Variants in DCUN1D4 observed in about 807,000 individuals in gnomAD.
DCUN1D4 encodes DCN1-like protein 4.
A neutral mutation model predicts 47.9 loss-of-function variants in DCUN1D4; 22 were observed. The observed-to-expected ratio is 0.46, with a 90% CI of 0.33 to 0.66. The LOEUF (loss-of-function observed/expected upper bound fraction) is 0.66. Ranked by LOEUF, DCUN1D4 falls within the 30% of genes least tolerant of loss-of-function variation. The probability of loss-of-function intolerance (pLI) is 0.02; values close to 1 mark genes in which losing one functional copy is unlikely to be tolerated. For missense variants in DCUN1D4, 301 were observed against 340.8 expected (o/e 0.88, Z 0.92); for synonymous variants, 121 against 112.2 (o/e 1.08, Z -0.50).
intron 6 of DCUN1D4, among the ~76,000 whole-genome samples, chr4:51,889,759 G>T (rs912718883): frequency 2.0e-5 from 3 of 152,150 alleles, no homozygotes; most frequent in Non-Finnish European, 4.4e-5. Flanking sequence ...AAACCTGAGG[G>T]ATGAGGAGAA....
In DCUN1D4 at chr4:51,912,190, G is replaced by A. The variant is rs189831079; in HGVS notation, c.720+1016G>A. Among the ~76,000 whole-genome samples, 12 of 152,272 alleles carry A rather than the reference G, an allele frequency of 7.9e-5. No individual in the cohort carries two copies. The East Asian group carries it at 1.7e-3, about 22-fold the overall frequency. On this transcript the variant is annotated intron_variant, in intron 9 of 10. Transcript: ENST00000334635. ...TTTCTCTGACAATCCCTTGAGATGA[G>A]TTAGCATTATTTGGAAAAATAAATA...
chr4:51,843,284 C>CA lies in DCUN1D4; in HGVS notation c.25+18dup. ...CCGCTGTCAGTGAGTAGCAGAGAGC[C>CA]AGCCAGCGGGCCGGGGCCGGGCGGC... On this transcript the variant is annotated intron_variant, in intron 1 of 10. Transcript: ENST00000334635. 6.5e-7 allele frequency: 1 copy of CA among 1,527,054 alleles called. No homozygotes were observed. The highest frequency in any genetic ancestry group is 8.8e-7 in the Non-Finnish European group (1 of 1,137,514). 94.6% of individuals were successfully genotyped at this position (1,527,054 alleles called of 1,614,324 possible). A position where few individuals can be genotyped will look rare whatever the true frequency, so the allele number is the denominator to read the frequency against.
intron 6 of DCUN1D4, among the ~76,000 whole-genome samples, chr4:51,890,904 C>T (rs181164849): frequency 6.6e-6 from 1 of 152,326 alleles, no homozygotes; most frequent in African/African-American, 2.4e-5. Flanking sequence ...TGGCATAAAC[C>T]AGAGTTGTCA....
intron 6 of DCUN1D4, among the ~76,000 whole-genome samples, chr4:51,889,892 G>T (rs936653232): frequency 3.3e-5 from 5 of 152,130 alleles, no homozygotes; most frequent in Non-Finnish European, 7.4e-5. Context: ...CTTTTAAGCA[G>T]TCATTACTAA....
chr4:51,891,926 G>A (rs1730492041), intron 7 of DCUN1D4, 75 bp downstream of exon 7: 1 of 1,133,340 alleles, frequency 8.8e-7, no homozygotes, highest in Non-Finnish European at 1.3e-6. Context: ...AGGACTTCAG[G>A]AGGTGATTGA....
At chr4:51,910,202 A>G (rs1278557641) in intron 8 of DCUN1D4, among the ~76,000 whole-genome samples, 26 of 152,216 alleles carry the variant, frequency 1.7e-4, no homozygotes, top group Admixed American at 1.7e-3. Flanking sequence ...TTATGGTCCC[A>G]GGCCCTCTAT....
chr4:51,868,442 T>C (rs1726322974), intron 3 of DCUN1D4, among the ~76,000 whole-genome samples: 1 of 152,260 alleles, frequency 6.6e-6, no homozygotes, highest in Non-Finnish European at 1.5e-5. Context: ...AAGTGCCCAG[T>C]CAATGTCAGT....
chr4:51,865,711 T>C (rs892577712), intron 3 of DCUN1D4, among the ~76,000 whole-genome samples: 5 of 152,202 alleles, frequency 3.3e-5, no homozygotes, highest in African/African-American at 1.2e-4. Flanking sequence ...TTGGGGGCTG[T>C]TGAGATTTAA....
At chr4:51,865,923 A>G (rs951205743) in intron 3 of DCUN1D4, among the ~76,000 whole-genome samples, 3 of 152,164 alleles carry the variant, frequency 2.0e-5, no homozygotes, top group Non-Finnish European at 4.4e-5. Context: ...ACCCTGCACT[A>G]TGACAGTGGA....
At chr4:51,857,651 A>C (rs1027460174) in intron 1 of DCUN1D4, among the ~76,000 whole-genome samples, 19 of 152,286 alleles carry the variant, frequency 1.2e-4, no homozygotes, top group African/African-American at 4.6e-4. Flanking sequence ...TCCTGTCATT[A>C]CGTTTGCATG....
At chr4:51,886,961 C>T in intron 6 of DCUN1D4, 2 of 419,838 alleles carry the variant, frequency 4.8e-6, no homozygotes, top group East Asian at 1.2e-4. Flanking sequence ...CGCTGTGTAC[C>T]TTCGTGCCCC....
intron 8 of DCUN1D4, among the ~76,000 whole-genome samples, chr4:51,907,185 T>C (rs1329664120): frequency 6.6e-6 from 1 of 152,164 alleles, no homozygotes; most frequent in South Asian, 2.1e-4. Flanking sequence ...CCAAATAAAA[T>C]AATAAAGCCT....
chr4:51,893,831 A>G (rs1455995485), intron 7 of DCUN1D4, among the ~76,000 whole-genome samples: 1 of 152,206 alleles, frequency 6.6e-6, no homozygotes, highest in Non-Finnish European at 1.5e-5. Context: ...GGCACCATCA[A>G]CATTTTCAGG....
At chr4:51,843,312 C>T (rs1295919453) in intron 1 of DCUN1D4, 45 bp downstream of exon 1, 1 of 1,499,180 alleles carries the variant, frequency 6.7e-7, no homozygotes, top group Admixed American at 2.2e-5. Context: ...CGGGCGGCTG[C>T]CAAACTCGCC....
chr4:51,838,920 C>CA (rs1296093343), upstream of DCUN1D4, among the ~76,000 whole-genome samples: 3 of 152,050 alleles, frequency 2.0e-5, no homozygotes, highest in African/African-American at 7.2e-5. Flanking sequence ...ACTAAAAACA[C>CA]AACAATTAGT....
At chr4:51,837,958 A>C in the DCUN1D4 span, among the ~76,000 whole-genome samples, 1 of 152,132 alleles carries the variant, frequency 6.6e-6, no homozygotes, top group Non-Finnish European at 1.5e-5. Flanking sequence ...CGGGCAGATC[A>C]CTTGAAGTCA....
At chr4:51,841,664 A>T (rs1721661815), upstream of DCUN1D4, among the ~76,000 whole-genome samples, 1 of 152,178 alleles carries the variant, frequency 6.6e-6, no homozygotes, top group African/African-American at 2.4e-5. Context: ...ATTAAAGAGA[A>T]ATTAGCGATT....
chr4:51,913,485 GTTATTATTA>G, intron 10 of DCUN1D4, 35 bp from the exon 11 acceptor site: 1 of 1,549,650 alleles, frequency 6.5e-7, no homozygotes, highest in Non-Finnish European at 8.8e-7. Flanking sequence ...TATTATTATT[GTTATTATTA>G]TTATTATTAC....
At chr4:51,865,093 G>A (rs1269141443) in intron 3 of DCUN1D4, 1 of 227,622 alleles carries the variant, frequency 4.4e-6, no homozygotes, top group East Asian at 1.1e-4. Flanking sequence ...ACCTCTTTCA[G>A]TGTCATCCAA....
Sources: allele counts gnomAD v4.1 joint callset (sites outside exome capture counted in the v4.1 genomes callset), GRCh38; gene constraint gnomAD v4.1.1; transcripts MANE v1.5; gene names NCBI Gene and HGNC (gene_info 2026-07-23, HGNC 2026-07-21).